The following TXNRD3 variants were observed in gnomAD, a reference collection of about 807,000 sequenced individuals.
TXNRD3 encodes thioredoxin reductase 3.
Under a neutral mutation model 78.2 loss-of-function variants are expected in TXNRD3, and 68 were observed. The observed-to-expected ratio is 0.87, with a 90% CI of 0.72 to 1.06. The LOEUF (loss-of-function observed/expected upper bound fraction) is 1.06. TXNRD3 is among the 50% of genes least tolerant of loss of function. The probability of loss-of-function intolerance (pLI) is 0.00; values close to 1 mark genes in which losing one functional copy is unlikely to be tolerated. For synonymous variants in TXNRD3, 296 were observed against 300.1 expected, an observed-to-expected ratio of 0.99 and a Z score of 0.14; for missense variants, 751 against 809.5, an observed-to-expected ratio of 0.93 and a Z score of 0.88.
chr3:126,645,897 T>A (rs1367560732), intron 3 of TXNRD3, among the ~76,000 whole-genome samples: 1 of 152,232 alleles, frequency 6.6e-6, no homozygotes, highest in African/African-American at 2.4e-5. Flanking sequence ...TTTGTCCTGG[T>A]GCCCTCACAC....
At chr3:126,615,647 G>A (rs1012576658) in intron 12 of TXNRD3, among the ~76,000 whole-genome samples, 185 bp from the exon 13 acceptor site, 7 of 152,160 alleles carry the variant, frequency 4.6e-5, no homozygotes, top group African/African-American at 1.7e-4. Flanking sequence ...CCTGACTCAG[G>A]GGAAGAGACC....
chr3:126,629,691 G>A (rs1435778013), intron 9 of TXNRD3, among the ~76,000 whole-genome samples: 1 of 152,140 alleles, frequency 6.6e-6, no homozygotes, highest in Non-Finnish European at 1.5e-5. Flanking sequence ...AGTTGAGATT[G>A]GAGGGAGCAT....
chr3:126,614,079 T>C (rs796861096), intron 13 of TXNRD3, among the ~76,000 whole-genome samples: 17 of 152,204 alleles, frequency 1.1e-4, no homozygotes, highest in African/African-American at 3.9e-4. Context: ...TGTGTCTTCA[T>C]TTTTTTATAA....
At chr3:126,609,020 GC>G (rs1417863591) in intron 14 of TXNRD3, 1 of 246,688 alleles carries the variant, frequency 4.1e-6, no homozygotes, top group African/African-American at 2.3e-5. Flanking sequence ...GAGGTTGCTG[GC>G]CCAGGAAGCA....
chr3:126,647,140 G>T, intron 2 of TXNRD3, 96 bp downstream of exon 2: 1 of 966,492 alleles, frequency 1.0e-6, no homozygotes, highest in Non-Finnish European at 1.5e-6. Flanking sequence ...TTAACCCGAA[G>T]ACAAGAGTAA....
intron 13 of TXNRD3, among the ~76,000 whole-genome samples, chr3:126,611,581 T>C (rs1008966067): frequency 6.6e-6 from 1 of 152,190 alleles, no homozygotes; most frequent in African/African-American, 2.4e-5. Context: ...AACCCAGCCA[T>C]GGGAGAGCAG....
rs909801580 is a variant in TXNRD3 at position 126,607,724 on chromosome 3, G to A, written c.*181C>T. ...TTCTCGCTGTCAGCAAGACCACAAG[G>A]CAGATGCCCACTGCTGTCCTCTTTC... is the stretch of plus-strand genomic sequence containing the variant. On this transcript the variant is annotated 3_prime_UTR_variant, in exon 16 of 16. Coordinates refer to ENST00000524230, the MANE Select transcript of TXNRD3 (RefSeq NM_052883.3). 2.5e-6 allele frequency: 1 copy of A among 394,166 alleles called. No homozygotes were observed. Among genetic ancestry groups the A allele is most frequent in the Non-Finnish European group, 4.4e-6 (1 of 225,866 alleles). 24.4% of individuals were successfully genotyped at this position (394,166 alleles called of 1,614,324 possible).
intron 1 of TXNRD3, among the ~76,000 whole-genome samples, chr3:126,650,413 G>A (rs902445315): frequency 7.2e-4 from 7 of 9,666 alleles, no homozygotes; most frequent in Non-Finnish European, 6.5e-3. Flanking sequence ...GAGGCCAGGC[G>A]GTGGATCACT....
At chr3:126,614,545 T>C (rs1006763632) in intron 13 of TXNRD3, among the ~76,000 whole-genome samples, 3 of 152,220 alleles carry the variant, frequency 2.0e-5, no homozygotes, top group African/African-American at 7.2e-5. Context: ...CAGTTAGTTA[T>C]AAACGCTGAT....
At chr3:126,639,727 T>C (rs1001549663) in intron 6 of TXNRD3, among the ~76,000 whole-genome samples, 2 of 152,032 alleles carry the variant, frequency 1.3e-5, no homozygotes, top group African/African-American at 4.8e-5. Flanking sequence ...CATGCCACCA[T>C]GCCTGCCTAA....
Position 126,644,540 on chromosome 3 carries a change from G to A in TXNRD3, c.415-139C>T, listed in dbSNP as rs1933184022. 4.7e-6 allele frequency: 3 copies of A among 644,636 alleles called. No individual in the cohort carries two copies. In the African/African-American group the frequency reaches 5.5e-5, roughly 12 times the overall value. The allele number at this position is 644,636 out of a possible 1,614,324, so 39.9% of individuals were successfully genotyped here. A position where few individuals can be genotyped will look rare whatever the true frequency, so the allele number is the denominator to read the frequency against. Reference sequence around the variant, plus strand: ...TCTATAATTCATCTAAGTTGGAGTTGTAAATTTATCTGGATGCTATTTAAA... The same window carrying A: ...TCTATAATTCATCTAAGTTGGAGTTATAAATTTATCTGGATGCTATTTAAA... On this transcript the variant is annotated intron_variant, in intron 3 of 15. Coordinates refer to ENST00000524230, the MANE Select transcript of TXNRD3 (RefSeq NM_052883.3).
At chr3:126,650,612 G>A (rs1933365516) in intron 1 of TXNRD3, among the ~76,000 whole-genome samples, 1 of 151,540 alleles carries the variant, frequency 6.6e-6, no homozygotes, top group Admixed American at 6.6e-5. Context: ...CTGCACTCCA[G>A]CCTGGGCAAC....
intron 12 of TXNRD3, 32 bp downstream of exon 12, chr3:126,621,710 G>A (rs3732534): frequency 0.64 from 926,759 of 1,444,994 alleles, 299,718 homozygotes; most frequent in East Asian, 0.67. Flanking sequence ...ATCTTGATCA[G>A]GACATTATCT....
chr3:126,639,687 C>T (rs1933008658), intron 6 of TXNRD3, among the ~76,000 whole-genome samples: 1 of 152,198 alleles, frequency 6.6e-6, no homozygotes, highest in African/African-American at 2.4e-5. Context: ...CCTCTTACCT[C>T]AGCCTCCCGA....
At chr3:126,650,596 A>T (rs1322880238) in intron 1 of TXNRD3, among the ~76,000 whole-genome samples, 1 of 151,930 alleles carries the variant, frequency 6.6e-6, no homozygotes, top group African/African-American at 2.4e-5. Flanking sequence ...AGCCAAGATC[A>T]AGCCACTGCA....
In TXNRD3 at chr3:126,611,039, G is replaced by C; in HGVS notation, c.1726C>G (p.His576Asp). 1 of 1,499,310 alleles carries C rather than the reference G, an allele frequency of 6.7e-7. No individual in the cohort carries two copies. The highest frequency in any genetic ancestry group is 8.9e-7 in the Non-Finnish European group (1 of 1,125,452). The allele number at this position is 1,499,310 out of a possible 1,614,324, so 92.9% of individuals were successfully genotyped here. Residue 576 changes from histidine to aspartate, a missense_variant and splice_region_variant, in exon 14 of 16, where the codon CAT (histidine) becomes GAT (aspartate). By Grantham distance (81) the His-to-Asp change is moderately conservative. Coordinates refer to ENST00000524230, the MANE Select transcript of TXNRD3 (RefSeq NM_052883.3). ...TGGCTTCTAGTGGTATTACATACAT[G>C]GTCGAATTTATTGCAGATTATCTTT...
intron 6 of TXNRD3, among the ~76,000 whole-genome samples, chr3:126,639,726 A>AGG (rs1194367853): frequency 2.0e-5 from 3 of 152,024 alleles, no homozygotes; most frequent in Non-Finnish European, 4.4e-5. Context: ...GCATGCCACC[A>AGG]TGCCTGCCTA....
intron 11 of TXNRD3, 55 bp from the exon 12 acceptor site, chr3:126,621,953 G>A (rs951022389): frequency 1.5e-6 from 2 of 1,367,340 alleles, no homozygotes; most frequent in Non-Finnish European, 1.9e-6. Flanking sequence ...CTACACTGCT[G>A]GCTGACTAAT....
chr3:126,652,866 A>T (rs979808092), intron 1 of TXNRD3, among the ~76,000 whole-genome samples: 5 of 152,246 alleles, frequency 3.3e-5, no homozygotes, highest in African/African-American at 1.2e-4. Context: ...GTAGACAATA[A>T]TCATATAGAT....
Sources: allele counts gnomAD v4.1 joint callset (sites outside exome capture counted in the v4.1 genomes callset), GRCh38; gene constraint gnomAD v4.1.1; transcripts MANE v1.5; gene names NCBI Gene and HGNC (gene_info 2026-07-23, HGNC 2026-07-21).